Variants in GPM6A observed in about 807,000 individuals in gnomAD.
GPM6A encodes neuronal membrane glycoprotein M6-a.
In GPM6A, 7 loss-of-function variants were observed where a neutral mutation model predicts 32.1. The ratio of observed to expected loss-of-function variants is 0.22; its 90% CI spans 0.12 to 0.41. The LOEUF (loss-of-function observed/expected upper bound fraction) is 0.41, where lower values mean the gene tolerates loss of function less well. Among genes scored for constraint, GPM6A ranks in the 10% least tolerant of loss-of-function variants. The probability of loss-of-function intolerance (pLI) is 1.00; values close to 1 mark genes in which losing one functional copy is unlikely to be tolerated. For missense variants in GPM6A, 235 were observed against 347.2 expected, an observed-to-expected ratio of 0.68 and a Z score of 2.57; for synonymous variants, 130 against 123.4, an observed-to-expected ratio of 1.05 and a Z score of -0.35.
At chr4:175,885,699 G>A (rs767960121) in intron 1 of GPM6A, among the ~76,000 whole-genome samples, 1 of 152,192 alleles carries the variant, frequency 6.6e-6, no homozygotes, top group Non-Finnish European at 1.5e-5. Context: ...ATTGAAAGCT[G>A]AATCTCTAAA....
chr4:175,671,506 A>AAAAAAG (rs2110977612), intron 3 of GPM6A, among the ~76,000 whole-genome samples: 1 of 125,854 alleles, frequency 7.9e-6, no homozygotes, highest in Admixed American at 8.5e-5. Flanking sequence ...AAAAAAAAAA[A>AAAAAAG]GCAGCATCAG....
At chr4:175,885,529 G>A (rs1256286116) in intron 1 of GPM6A, among the ~76,000 whole-genome samples, 1 of 152,066 alleles carries the variant, frequency 6.6e-6, no homozygotes, top group Admixed American at 6.5e-5. Flanking sequence ...TACTTGGGAG[G>A]CTGAGGTGGG....
At chr4:175,972,302 A>G (rs1740528980) in intron 1 of GPM6A, among the ~76,000 whole-genome samples, 1 of 152,220 alleles carries the variant, frequency 6.6e-6, no homozygotes. Flanking sequence ...CAAATTATTT[A>G]TTTTGCTCAA....
At chr4:175,857,570 A>C (rs1199091588) in intron 1 of GPM6A, among the ~76,000 whole-genome samples, 1 of 152,186 alleles carries the variant, frequency 6.6e-6, no homozygotes, top group African/African-American at 2.4e-5. Context: ...TGACAGATGT[A>C]AACCTAACCA....
chr4:175,860,508 C>T (rs1736542241), intron 1 of GPM6A, among the ~76,000 whole-genome samples: 1 of 151,910 alleles, frequency 6.6e-6, no homozygotes, highest in Admixed American at 6.6e-5. Context: ...GAGACATAGG[C>T]AATCTGAATA....
chr4:175,868,324 C>A (rs1247351200), intron 1 of GPM6A, among the ~76,000 whole-genome samples: 1 of 152,112 alleles, frequency 6.6e-6, no homozygotes, highest in Non-Finnish European at 1.5e-5. Flanking sequence ...GAACTGGAAC[C>A]CAGTCCTTTA....
At chr4:175,693,151 T>C (rs1330325074) in intron 2 of GPM6A, among the ~76,000 whole-genome samples, 1 of 151,956 alleles carries the variant, frequency 6.6e-6, no homozygotes, top group Non-Finnish European at 1.5e-5. Flanking sequence ...TGCTCTGCTA[T>C]GCATTTCTAA....
intron 1 of GPM6A, among the ~76,000 whole-genome samples, chr4:175,908,914 C>A (rs1187385691): frequency 6.6e-6 from 1 of 151,570 alleles, no homozygotes; most frequent in Admixed American, 6.6e-5. Flanking sequence ...CTGATTTGTT[C>A]TCTTATATAC....
intron 4 of GPM6A, among the ~76,000 whole-genome samples, chr4:175,645,699 C>T (rs1293204078): frequency 1.3e-5 from 2 of 151,908 alleles, no homozygotes; most frequent in African/African-American, 2.4e-5. Context: ...CCAGCCTGGG[C>T]GACAGAGCAA....
intron 1 of GPM6A, among the ~76,000 whole-genome samples, chr4:175,982,576 TAG>T (rs1214745127): frequency 6.6e-6 from 1 of 152,204 alleles, no homozygotes; most frequent in African/African-American, 2.4e-5. Flanking sequence ...GGTTTATCTC[TAG>T]AGTTTGTTCT....
intron 1 of GPM6A, among the ~76,000 whole-genome samples, chr4:175,802,542 C>T (rs1455157807): frequency 6.6e-6 from 1 of 152,058 alleles, no homozygotes; most frequent in Non-Finnish European, 1.5e-5. Flanking sequence ...AAATTGATTA[C>T]TCATTGCATG....
chr4:175,710,313 A>G (rs1385693244), intron 1 of GPM6A, among the ~76,000 whole-genome samples: 1 of 152,052 alleles, frequency 6.6e-6, no homozygotes, highest in Non-Finnish European at 1.5e-5. Context: ...TTCTCTAATA[A>G]AAGTATTTAA....
chr4:175,788,631 T>A (rs1733893216), intron 1 of GPM6A, among the ~76,000 whole-genome samples: 1 of 146,570 alleles, frequency 6.8e-6, no homozygotes, highest in Non-Finnish European at 1.6e-5. Context: ...ATTTTATTAC[T>A]GTTAATTATT....
chr4:175,918,785 T>C (rs1738577088), intron 1 of GPM6A, among the ~76,000 whole-genome samples: 1 of 152,166 alleles, frequency 6.6e-6, no homozygotes, highest in African/African-American at 2.4e-5. Flanking sequence ...TTTAACAATT[T>C]GTGAAACAAC....
At chr4:175,996,750 T>C (rs1579696957) in intron 1 of GPM6A, among the ~76,000 whole-genome samples, 2 of 152,310 alleles carry the variant, frequency 1.3e-5, no homozygotes, top group East Asian at 3.9e-4. Flanking sequence ...CATGTTTTTC[T>C]CAGGACTTGT....
chr4:175,789,399 G>C (rs17062022), intron 1 of GPM6A, among the ~76,000 whole-genome samples: 8,282 of 152,124 alleles, frequency 0.054, 730 homozygotes, highest in African/African-American at 0.19. Context: ...CATGTTGATT[G>C]TCTTGGCAAC....
At chr4:175,713,434 G>GC (rs35165986) in intron 1 of GPM6A, among the ~76,000 whole-genome samples, 1,736 of 152,142 alleles carry the variant, frequency 0.011, 27 homozygotes, top group African/African-American at 0.04. Context: ...CTTGTGATCC[G>GC]CCTGTCTCAG....
At chr4:175,968,091 G>T (rs1740384284) in intron 1 of GPM6A, among the ~76,000 whole-genome samples, 1 of 151,770 alleles carries the variant, frequency 6.6e-6, no homozygotes, top group Non-Finnish European at 1.5e-5. Flanking sequence ...CAATGGAACG[G>T]AATCGAGAGC....
At chr4:175,997,363 C>T (rs1273166264) in intron 1 of GPM6A, among the ~76,000 whole-genome samples, 3 of 152,166 alleles carry the variant, frequency 2.0e-5, no homozygotes, top group African/African-American at 7.2e-5. Context: ...AAATAACACA[C>T]TAGAAGCCAA....
Sources: allele counts gnomAD v4.1 joint callset (sites outside exome capture counted in the v4.1 genomes callset), GRCh38; gene constraint gnomAD v4.1.1; transcripts MANE v1.5; gene names NCBI Gene and HGNC (gene_info 2026-07-23, HGNC 2026-07-21).